L2HGDH: variants seen among roughly 807,000 people sequenced by gnomAD.
L2HGDH encodes L-2-hydroxyglutarate dehydrogenase, mitochondrial.
In L2HGDH, 34 loss-of-function variants were observed where a neutral mutation model predicts 51.5. The ratio of observed to expected loss-of-function variants is 0.66; its 90% CI spans 0.50 to 0.88. L2HGDH has a LOEUF of 0.88. L2HGDH is among the 40% of genes least tolerant of loss of function. L2HGDH has a pLI of 0.00. For missense variants in L2HGDH, 558 were observed against 571.9 expected, an observed-to-expected ratio of 0.98 and a Z score of 0.25; for synonymous variants, 198 against 197.9, an observed-to-expected ratio of 1.00 and a Z score of -0.01.
At chr14:50,266,860 A>G (rs772415415) in intron 8 of L2HGDH, among the ~76,000 whole-genome samples, 6 of 152,152 alleles carry the variant, frequency 3.9e-5, no homozygotes, top group Non-Finnish European at 7.4e-5. Flanking sequence ...AGGACCAAAC[A>G]AAATACCTAA....
chr14:50,311,641 T>C (rs1386301940), intron 1 of L2HGDH, among the ~76,000 whole-genome samples: 1 of 152,198 alleles, frequency 6.6e-6, no homozygotes, highest in African/African-American at 2.4e-5. Flanking sequence ...CATATTTGAT[T>C]GCTTATACTG....
At chr14:50,305,131 A>G (rs997148171) in intron 1 of L2HGDH, among the ~76,000 whole-genome samples, 1 of 152,222 alleles carries the variant, frequency 6.6e-6, no homozygotes, top group Non-Finnish European at 1.5e-5. Flanking sequence ...GATAAATCAA[A>G]TCCTGCATCT....
intron 4 of L2HGDH, chr14:50,293,108 A>T (rs1465500890): frequency 1.5e-6 from 1 of 647,978 alleles, no homozygotes; most frequent in Non-Finnish European, 2.8e-6. Flanking sequence ...GTAAGAACCC[A>T]TTTAAAAAAA....
chr14:50,248,586 C>T lies in L2HGDH; in HGVS notation c.1197-1333G>A, dbSNP rs1888144810. Among the ~76,000 whole-genome samples the T allele has an allele frequency of 2.6e-5, 4 of 152,096 alleles. No individual in the cohort carries two copies. In the South Asian group the frequency reaches 6.2e-4, roughly 24 times the overall value. ...AAATCACAGAGCTATACTATTCATT[C>T]GTAGAGAGGTAAATAAGAATTATAA... On this transcript the variant is annotated intron_variant, in intron 9 of 9. Transcript: ENST00000267436.
chr14:50,290,495 C>T (rs1290096900), intron 4 of L2HGDH, among the ~76,000 whole-genome samples: 1 of 152,128 alleles, frequency 6.6e-6, no homozygotes, highest in Non-Finnish European at 1.5e-5. Context: ...CAAGGGTAGG[C>T]AACCTTTTTT....
Position 50,246,876 on chromosome 14 carries a change from C to G in L2HGDH, c.*182G>C. 2 of 1,089,494 alleles carry G rather than the reference C, an allele frequency of 1.8e-6. No homozygotes were observed. The highest frequency in any genetic ancestry group is 2.5e-6 in the Non-Finnish European group (2 of 793,798). 67.5% of individuals were successfully genotyped at this position (1,089,494 alleles called of 1,614,324 possible). A position where few individuals can be genotyped will look rare whatever the true frequency, so the allele number is the denominator to read the frequency against. ...TAGCTGAGATTACAGGCATGCGCCA[C>G]CATGCCTGGCTAATTTTTGTAGAAA... is the stretch of plus-strand genomic sequence containing the variant. On this transcript the variant is annotated 3_prime_UTR_variant, in exon 10 of 10. Coordinates refer to ENST00000267436, the MANE Select transcript of L2HGDH (RefSeq NM_024884.3).
chr14:50,269,480 C>G (rs896351541), intron 6 of L2HGDH, 150 bp from the exon 7 acceptor site: 6 of 711,504 alleles, frequency 8.4e-6, no homozygotes, highest in South Asian at 1.8e-5. Context: ...AAAATATGTT[C>G]TTTAGCATTT....
chr14:50,290,194 G>C (rs937739179), intron 4 of L2HGDH, among the ~76,000 whole-genome samples: 24 of 152,106 alleles, frequency 1.6e-4, no homozygotes, highest in African/African-American at 4.8e-4. Context: ...GTGAACCCAA[G>C]AGTTGGAGCT....
intron 4 of L2HGDH, among the ~76,000 whole-genome samples, chr14:50,284,866 C>A (rs909634551): frequency 1.9e-4 from 29 of 152,212 alleles, no homozygotes; most frequent in Admixed American, 1.9e-3. Flanking sequence ...AAAATAATAT[C>A]TGATATAATA....
At chr14:50,287,054 G>T (rs1227532256) in intron 4 of L2HGDH, 3 of 372,120 alleles carry the variant, frequency 8.1e-6, no homozygotes, top group Non-Finnish European at 1.1e-5. Context: ...TCTTGAGGTG[G>T]GCAACTCTTT....
chr14:50,243,437 A>C lies in L2HGDH; in HGVS notation c.*3621T>G, dbSNP rs1403343545. On this transcript the variant is annotated 3_prime_UTR_variant, in exon 10 of 10. Transcript: ENST00000267436. ...ACACATAAAAAAATTTATTTGCATAAAAGTTTTTATGGAACTAAAAAATAT... is the reference window on the plus strand; with the variant it reads ...ACACATAAAAAAATTTATTTGCATACAAGTTTTTATGGAACTAAAAAATAT... 1.1e-6 allele frequency: 1 copy of C among 935,434 alleles called. No individual in the cohort carries two copies. Among genetic ancestry groups the C allele is most frequent in the African/African-American group, 1.8e-5 (1 of 56,152 alleles). The allele number at this position is 935,434 out of a possible 1,614,324, so 57.9% of individuals were successfully genotyped here. A position where few individuals can be genotyped will look rare whatever the true frequency, so the allele number is the denominator to read the frequency against.
intron 9 of L2HGDH, among the ~76,000 whole-genome samples, chr14:50,252,272 C>A (rs1355284571): frequency 6.6e-6 from 1 of 151,600 alleles, no homozygotes; most frequent in Non-Finnish European, 1.5e-5. Context: ...CAATGGATAT[C>A]AAAAAATTAA....
chr14:50,286,669 A>C (rs1308219351), intron 4 of L2HGDH, among the ~76,000 whole-genome samples: 5 of 152,250 alleles, frequency 3.3e-5, no homozygotes, highest in South Asian at 4.1e-4. Flanking sequence ...TAAATATATG[A>C]AACACTAATG....
At chr14:50,290,296 A>C (rs997302737) in intron 4 of L2HGDH, among the ~76,000 whole-genome samples, 3 of 152,038 alleles carry the variant, frequency 2.0e-5, no homozygotes, top group South Asian at 2.1e-4. Flanking sequence ...AACAAACAAA[A>C]AAAACTCCCT....
At chr14:50,293,168 G>A in intron 4 of L2HGDH, 2 of 697,856 alleles carry the variant, frequency 2.9e-6, no homozygotes, top group Non-Finnish European at 5.2e-6. Flanking sequence ...AGAGGCAATG[G>A]AACAGAATGG....
intron 3 of L2HGDH, among the ~76,000 whole-genome samples, chr14:50,297,385 CAT>C (rs1555332309): frequency 2.0e-5 from 3 of 151,072 alleles, no homozygotes; most frequent in Non-Finnish European, 4.4e-5. Flanking sequence ...CACACACACA[CAT>C]ACACACACAA....
intron 8 of L2HGDH, among the ~76,000 whole-genome samples, chr14:50,267,159 T>A (rs1406932761): frequency 7.4e-6 from 1 of 136,000 alleles, no homozygotes; most frequent in Admixed American, 7.2e-5. Context: ...ATTTATTTAT[T>A]TATTTATTTA....
In L2HGDH at chr14:50,280,853, C is replaced by T. The variant is rs1035372943; in HGVS notation, c.704-2299G>A. On this transcript the variant is annotated intron_variant, in intron 5 of 9. Coordinates refer to ENST00000267436, the MANE Select transcript of L2HGDH (RefSeq NM_024884.3). The stretch of plus-strand genomic sequence containing the variant: ...TTTTTGAGACAAGGTCTCACTGTGT[C>T]GGCCTGGCTGCAGTGCAGTGATGCA... 4.6e-5 allele frequency among the ~76,000 whole-genome samples: 7 copies of T among 152,106 alleles called. No homozygotes were observed. In the Middle Eastern group the frequency reaches 0.01, roughly 223 times the overall value.
rs1019654272 is a variant in L2HGDH at position 50,245,015 on chromosome 14, C to A, written c.*2043G>T. On this transcript the variant is annotated 3_prime_UTR_variant, in exon 10 of 10. Coordinates refer to ENST00000267436, the MANE Select transcript of L2HGDH (RefSeq NM_024884.3). ...ACTTTCTAAATTATAAGAATAATTT[C>A]GATAGATACCACAAAACACATATAT... The A allele has an allele frequency of 1.0e-6, 1 of 985,248 alleles. No individual in the cohort carries two copies. The highest frequency in any genetic ancestry group is 1.2e-6 in the Non-Finnish European group (1 of 829,660). The allele number at this position is 985,248 out of a possible 1,614,324, so 61.0% of individuals were successfully genotyped here.
Sources: gnomAD v4.1 joint callset for allele counts (sites outside exome capture counted in the v4.1 genomes callset) on GRCh38, gnomAD v4.1.1 for gene constraint, MANE v1.5 for transcripts, NCBI Gene and HGNC (gene_info 2026-07-23, HGNC 2026-07-21) for gene names.